Variants in ANXA2 observed in about 807,000 individuals in gnomAD.
ANXA2 encodes annexin II.
In ANXA2, 28 loss-of-function variants were observed where a neutral mutation model predicts 47.3. The ratio of observed to expected loss-of-function variants is 0.59; its 90% CI spans 0.44 to 0.81. The LOEUF (loss-of-function observed/expected upper bound fraction) is 0.81. Among genes scored for constraint, ANXA2 ranks in the 40% least tolerant of loss-of-function variants. ANXA2 has a pLI of 0.00. For synonymous variants in ANXA2, 172 were observed against 155.5 expected, an observed-to-expected ratio of 1.11 and a Z score of -0.79; for missense variants, 384 against 414.3, an observed-to-expected ratio of 0.93 and a Z score of 0.64.
intron 12 of ANXA2, 69 bp downstream of exon 12, chr15:60,349,006 C>T: frequency 1.5e-5 from 24 of 1,593,176 alleles, no homozygotes; most frequent in Non-Finnish European, 2.1e-5. Context: ...CATCATTCTG[C>T]CAGGCCACCT....
chr15:60,357,406 C>T (rs190657333), intron 5 of ANXA2, among the ~76,000 whole-genome samples, 170 bp from the exon 6 acceptor site: 2 of 152,270 alleles, frequency 1.3e-5, no homozygotes, highest in East Asian at 3.9e-4. Context: ...AAAGTAATGG[C>T]ATTTTCTATT....
chr15:60,349,120 A>C lies in ANXA2; in HGVS notation c.915T>G (p.Ser305=), dbSNP rs1205211853. The C allele has an allele frequency of 6.2e-7, 1 of 1,614,146 alleles. No individual in the cohort carries two copies. Among genetic ancestry groups the C allele is most frequent in the Non-Finnish European group, 8.5e-7 (1 of 1,180,000 alleles). ...RSEVDMLKIR[S]EFKRKYGKSL... ...ACTTGCCGTACTTTCTCTTGAATTC[A>C]GACCTAATTTTCAACATGTCCACTT... Residue 305 remains serine, a synonymous_variant, in exon 12 of 13, where the codon TCT becomes TCG. Coordinates refer to ENST00000451270, the MANE Select transcript of ANXA2 (RefSeq NM_004039.3).
chr15:60,364,649 A>AC, intron 3 of ANXA2, 126 bp from the exon 4 acceptor site: 1 of 633,674 alleles, frequency 1.6e-6, no homozygotes, highest in Admixed American at 3.5e-5. Context: ...AAATACCCAG[A>AC]CACCAAGATT....
chr15:60,391,591 C>T (rs1233608583), intron 1 of ANXA2, among the ~76,000 whole-genome samples: 1 of 152,178 alleles, frequency 6.6e-6, no homozygotes, highest in African/African-American at 2.4e-5. Context: ...ACTCAGTACT[C>T]ATATTTATCT....
At chr15:60,374,373 C>T (rs998633683) in intron 3 of ANXA2, 35 of 442,716 alleles carry the variant, frequency 7.9e-5, no homozygotes, top group Non-Finnish European at 5.9e-5. Flanking sequence ...TGCTCTGCTA[C>T]TCCGTCAGCC....
At chr15:60,363,801 T>C (rs2062552592) in intron 4 of ANXA2, among the ~76,000 whole-genome samples, 1 of 152,166 alleles carries the variant, frequency 6.6e-6, no homozygotes. Flanking sequence ...ATTTTTAAAA[T>C]GAGAGGAGCT....
At chr15:60,381,364 T>G (rs1479253320) in intron 3 of ANXA2, among the ~76,000 whole-genome samples, 1 of 152,100 alleles carries the variant, frequency 6.6e-6, no homozygotes, top group Admixed American at 6.6e-5. Flanking sequence ...AGGAAGTGCT[T>G]TATCCAAGGG....
intron 11 of ANXA2, 122 bp from the exon 12 acceptor site, chr15:60,349,319 T>C: frequency 9.5e-7 from 1 of 1,047,458 alleles, no homozygotes. Flanking sequence ...ATCCAAAACT[T>C]TTTCAGTGCC....
At chr15:60,380,304 G>A (rs990354125) in intron 3 of ANXA2, among the ~76,000 whole-genome samples, 4 of 152,096 alleles carry the variant, frequency 2.6e-5, no homozygotes, top group Non-Finnish European at 5.9e-5. Flanking sequence ...TCTTAGCAAA[G>A]TTCCGTGTTT....
chr15:60,390,325 T>C, intron 1 of ANXA2: 1 of 989,968 alleles, frequency 1.0e-6, no homozygotes, highest in Non-Finnish European at 1.3e-6. Flanking sequence ...ACCCTAGAAA[T>C]AAAATATGGC....
chr15:60,351,816 A>G lies in ANXA2; in HGVS notation c.686T>C (p.Phe229Ser), dbSNP rs757758309. ...ERSVPHLQKVFDRYKSYSPYD... is the reference protein window; with the variant it reads ...ERSVPHLQKVSDRYKSYSPYD... ...AGGGCTGTAACTCTTGTACCTATCA[A>G]ATACTGAGGAAAAACAACAAAGAGT... Residue 229 changes from phenylalanine to serine, a missense_variant, in exon 10 of 13, where the codon TTT (phenylalanine) becomes TCT (serine). Physicochemically the swap from Phe to Ser is radical, Grantham distance 155. Coordinates refer to ENST00000451270, the MANE Select transcript of ANXA2 (RefSeq NM_004039.3). 2.7e-5 allele frequency: 43 copies of G among 1,606,166 alleles called. No homozygotes were observed. The South Asian group carries it at 4.6e-4, about 17-fold the overall frequency.
chr15:60,382,194 C>G (rs2062870733), intron 3 of ANXA2, 148 bp downstream of exon 3: 1 of 568,498 alleles, frequency 1.8e-6, no homozygotes, highest in Non-Finnish European at 3.2e-6. Context: ...GGAAAGGAGG[C>G]ATGGGTTGAG....
At chr15:60,373,349 ACT>A (rs2062735464) in intron 3 of ANXA2, among the ~76,000 whole-genome samples, 1 of 152,208 alleles carries the variant, frequency 6.6e-6, no homozygotes, top group Non-Finnish European at 1.5e-5. Context: ...GACATGAATA[ACT>A]CAGCAAAGGG....
rs1413806930 is a variant in ANXA2 at position 60,382,362 on chromosome 15, T to C, written c.128A>G (p.Glu43Gly). The C allele has an allele frequency of 1.9e-6, 3 of 1,613,840 alleles. No individual in the cohort carries two copies. Among genetic ancestry groups the C allele is most frequent in the South Asian group, 1.1e-5 (1 of 91,080 alleles). Reference protein sequence around the residue: ...FDAERDALNIETAIKTKGVDE... With the variant: ...FDAERDALNIGTAIKTKGVDE... Reference sequence around the variant, plus strand: ...CCTACCTTTGGTCTTGATGGCTGTTTCAATGTTCAAAGCATCCCGCTCAGC... The same window carrying C: ...CCTACCTTTGGTCTTGATGGCTGTTCCAATGTTCAAAGCATCCCGCTCAGC... Residue 43 changes from glutamate (E) to glycine (G), a missense_variant, in exon 3 of 13, where the codon GAA becomes GGA. Coordinates refer to ENST00000451270, the MANE Select transcript of ANXA2 (RefSeq NM_004039.3).
chr15:60,376,644 T>A (rs1185697679), intron 3 of ANXA2, among the ~76,000 whole-genome samples: 1 of 152,138 alleles, frequency 6.6e-6, no homozygotes, highest in East Asian at 1.9e-4. Flanking sequence ...GGGCTGCAAG[T>A]GAGGAGCTTT....
At chr15:60,356,363 A>G (rs1282161717) in intron 6 of ANXA2, among the ~76,000 whole-genome samples, 1 of 152,174 alleles carries the variant, frequency 6.6e-6, no homozygotes, top group Non-Finnish European at 1.5e-5. Flanking sequence ...ACACACACAC[A>G]CAATTGTGCT....
rs761490786 is a variant in ANXA2, at chr15:60,368,605, C to A, written c.149-4082G>T. Among the ~76,000 whole-genome samples the A allele has an allele frequency of 5.6e-4, 84 of 151,108 alleles. 1 individual carries two copies. The highest frequency in any genetic ancestry group is 1.1e-3 in the Non-Finnish European group (75 of 67,852). On this transcript the variant is annotated intron_variant, in intron 3 of 12. Transcript: ENST00000451270. ...GTTGCAAAGCAGTATGCTCTGTATA[C>A]TCTCATTTTTGTAAAATGTGTATGC...
intron 5 of ANXA2, among the ~76,000 whole-genome samples, chr15:60,357,439 A>G (rs2062449002): frequency 6.6e-6 from 1 of 152,126 alleles, no homozygotes; most frequent in African/African-American, 2.4e-5. Flanking sequence ...GCTTCACCAG[A>G]GCACAAGATG....
chr15:60,358,528 A>C (rs949699728), intron 5 of ANXA2, among the ~76,000 whole-genome samples: 2 of 152,242 alleles, frequency 1.3e-5, no homozygotes, highest in Non-Finnish European at 2.9e-5. Flanking sequence ...TAGCGTTTAT[A>C]TGCCCCGAAA....
Sources: gnomAD v4.1 joint callset for allele counts (sites outside exome capture counted in the v4.1 genomes callset) on GRCh38, gnomAD v4.1.1 for gene constraint, MANE v1.5 for transcripts, NCBI Gene and HGNC (gene_info 2026-07-23, HGNC 2026-07-21) for gene names.